DGKB: variants seen among roughly 807,000 people sequenced by gnomAD.
The protein encoded by DGKB is diacylglycerol kinase beta, also known as 90 kDa diacylglycerol kinase.
Under a neutral mutation model 114.3 loss-of-function variants are expected in DGKB, and 67 were observed. That is an observed-to-expected ratio of 0.59 (90% CI 0.48 to 0.72). The LOEUF is 0.72. Ranked by LOEUF, DGKB falls within the 30% of genes least tolerant of loss-of-function variation. The pLI, the probability that DGKB is intolerant of heterozygous loss-of-function variation, is 0.00. For synonymous variants in DGKB, 398 were observed against 323.1 expected (o/e 1.23, Z -2.49); for missense variants, 907 against 975.2 (o/e 0.93, Z 0.93).
intron 1 of DGKB, among the ~76,000 whole-genome samples, chr7:14,902,003 G>A (rs1350363347): frequency 6.6e-6 from 1 of 152,036 alleles, no homozygotes; most frequent in African/African-American, 2.4e-5. Context: ...AGAAACTGAG[G>A]GGACCCTCCA....
intron 6 of DGKB, among the ~76,000 whole-genome samples, chr7:14,708,622 A>C (rs12216693): frequency 0.022 from 3,291 of 150,874 alleles, 114 homozygotes; most frequent in African/African-American, 0.076. Flanking sequence ...CAGAGATATA[A>C]ATCAATGGAA....
intron 4 of DGKB, among the ~76,000 whole-genome samples, chr7:14,748,936 T>C (rs1028543188): frequency 6.6e-6 from 1 of 152,178 alleles, no homozygotes; most frequent in African/African-American, 2.4e-5. Context: ...AGTACCTATA[T>C]GTGTAAAATA....
intron 1 of DGKB, among the ~76,000 whole-genome samples, chr7:14,871,657 C>T (rs960723085): frequency 1.3e-5 from 2 of 152,148 alleles, no homozygotes; most frequent in Non-Finnish European, 2.9e-5. Flanking sequence ...ATACGTAACA[C>T]AATGCTGAGA....
intron 4 of DGKB, among the ~76,000 whole-genome samples, chr7:14,736,911 C>T (rs1005002739): frequency 6.6e-6 from 1 of 152,114 alleles, no homozygotes; most frequent in African/African-American, 2.4e-5. Context: ...TTAATGAGAG[C>T]GTTTCACAGG....
intron 13 of DGKB, among the ~76,000 whole-genome samples, chr7:14,643,930 T>C (rs1812374926): frequency 1.3e-5 from 2 of 152,156 alleles, no homozygotes; most frequent in African/African-American, 4.8e-5. Flanking sequence ...TGCACACCAT[T>C]TAGGAGCCAG....
chr7:14,954,424 C>T (rs1786384264), intron 1 of DGKB, among the ~76,000 whole-genome samples: 1 of 152,000 alleles, frequency 6.6e-6, no homozygotes, highest in Admixed American at 6.6e-5. Context: ...CTTGCAAGGC[C>T]TCTAATTTAT....
At chr7:14,294,570 G>C (rs890594617) in intron 23 of DGKB, among the ~76,000 whole-genome samples, 5 of 152,202 alleles carry the variant, frequency 3.3e-5, no homozygotes, top group Admixed American at 2.6e-4. Context: ...CGGAGGAAGT[G>C]CAAGTTTATT....
At chr7:14,432,578 T>C (rs1466480128) in intron 21 of DGKB, among the ~76,000 whole-genome samples, 1 of 152,214 alleles carries the variant, frequency 6.6e-6, no homozygotes, top group African/African-American at 2.4e-5. Flanking sequence ...CTTCATGGCC[T>C]CTGGCTTGAA....
At position 14,665,383 on chromosome 7, in the gene DGKB, G is replaced by T. The variant is rs545202449; in HGVS notation, c.1134+7546C>A. 2.0e-5 allele frequency among the ~76,000 whole-genome samples: 3 copies of T among 152,014 alleles called. No homozygotes were observed. The East Asian group carries it at 5.8e-4, about 30-fold the overall frequency. ...CAACGACAGAGGGTGGAGGGTGGGA[G>T]GAGGAAGAGGATGAGGAAAAATAAG... On this transcript the variant is annotated intron_variant, in intron 13 of 25. Coordinates refer to ENST00000402815, the MANE Select transcript of DGKB (RefSeq NM_001350709.2).
intron 23 of DGKB, among the ~76,000 whole-genome samples, chr7:14,268,080 T>C (rs536205728): frequency 2.6e-4 from 40 of 152,290 alleles, no homozygotes; most frequent in South Asian, 1.4e-3. Flanking sequence ...TATATTCGTT[T>C]TGGAGATGAG....
At chr7:14,874,093 T>C (rs898847136) in intron 1 of DGKB, among the ~76,000 whole-genome samples, 1 of 152,092 alleles carries the variant, frequency 6.6e-6, no homozygotes, top group South Asian at 2.1e-4. Context: ...GTTTCTCCAG[T>C]TGAAGATGAA....
intron 2 of DGKB, among the ~76,000 whole-genome samples, chr7:14,765,594 C>T (rs1349136436): frequency 6.6e-6 from 1 of 151,894 alleles, no homozygotes; most frequent in Non-Finnish European, 1.5e-5. Context: ...ATGCCTTGCA[C>T]AAAATATTTG....
chr7:14,317,086 C>G (rs954853537), intron 23 of DGKB, among the ~76,000 whole-genome samples: 2 of 68,746 alleles, frequency 2.9e-5, no homozygotes, highest in African/African-American at 8.5e-5. Context: ...ATTCAACAAC[C>G]CTTCATGCTA....
chr7:14,259,379 T>TTCTCTCTCTC (rs752185464), intron 23 of DGKB, among the ~76,000 whole-genome samples: 1 of 142,286 alleles, frequency 7.0e-6, no homozygotes, highest in Non-Finnish European at 1.5e-5. Flanking sequence ...CTAGTAAAGT[T>TTCTCTCTCTC]TCTCTCTCTC....
chr7:14,732,447 G>C (rs1363595429), intron 5 of DGKB, among the ~76,000 whole-genome samples: 2 of 151,906 alleles, frequency 1.3e-5, no homozygotes, highest in Admixed American at 1.3e-4. Flanking sequence ...GAATGGAAAG[G>C]CATTTCTTTT....
intron 17 of DGKB, among the ~76,000 whole-genome samples, chr7:14,605,243 G>T (rs1349371248): frequency 6.6e-6 from 1 of 151,656 alleles, no homozygotes; most frequent in Non-Finnish European, 1.5e-5. Context: ...CTACTGAAAC[G>T]GAACAATGTG....
chr7:14,633,447 A>ATTTAC (rs1271231615), intron 13 of DGKB, among the ~76,000 whole-genome samples: 1 of 151,954 alleles, frequency 6.6e-6, no homozygotes, highest in Non-Finnish European at 1.5e-5. Flanking sequence ...CCTCATTTAC[A>ATTTAC]ATCAAAATGT....
At chr7:14,223,534 A>T (rs1191478019) in intron 23 of DGKB, among the ~76,000 whole-genome samples, 1 of 151,836 alleles carries the variant, frequency 6.6e-6, no homozygotes, top group African/African-American at 2.4e-5. Context: ...TAATATATAT[A>T]AAAAAGGGCA....
intron 21 of DGKB, among the ~76,000 whole-genome samples, chr7:14,424,875 C>G (rs1027817548): frequency 6.6e-6 from 1 of 152,080 alleles, no homozygotes; most frequent in Non-Finnish European, 1.5e-5. Flanking sequence ...ACACTGCCTT[C>G]CTGTGGACAA....
Sources: allele counts gnomAD v4.1 joint callset (sites outside exome capture counted in the v4.1 genomes callset), GRCh38; gene constraint gnomAD v4.1.1; transcripts MANE v1.5; gene names NCBI Gene and HGNC (gene_info 2026-07-23, HGNC 2026-07-21).